CMIP: variants seen among roughly 807,000 people sequenced by gnomAD.
The protein encoded by CMIP is c-Maf inducing protein.
In CMIP, 13 loss-of-function variants were observed where a neutral mutation model predicts 97.3. That is an observed-to-expected ratio of 0.13 (90% CI 0.09 to 0.21). The LOEUF (loss-of-function observed/expected upper bound fraction) is 0.21, where lower values mean the gene tolerates loss of function less well. Ranked by LOEUF, CMIP falls within the 10% of genes least tolerant of loss-of-function variation. The probability of loss-of-function intolerance (pLI) is 1.00; values close to 1 mark genes in which losing one functional copy is unlikely to be tolerated. For missense variants in CMIP, 847 were observed against 1,024.9 expected (o/e 0.83, Z 2.37); for synonymous variants, 538 against 436.3 (o/e 1.23, Z -2.91).
intron 7 of CMIP, among the ~76,000 whole-genome samples, chr16:81,668,064 AG>A (rs780560252): frequency 6.6e-6 from 1 of 152,054 alleles, no homozygotes; most frequent in Non-Finnish European, 1.5e-5. Context: ...TTCCACTCAG[AG>A]CTTTCATGCC....
Position 81,445,077 on chromosome 16 carries a change from C to T in CMIP, c.-165C>T. On this transcript the variant is annotated 5_prime_UTR_variant, in exon 1 of 21. Coordinates refer to ENST00000537098, the MANE Select transcript of CMIP (RefSeq NM_198390.3). ...CGGCCCAGCCCGCCGCACGCGCCGC[C>T]CCCCGCGGGCAGCGCCCCCTCCCCT... is the stretch of plus-strand genomic sequence containing the variant. 3.9e-6 allele frequency: 1 copy of T among 259,392 alleles called. No homozygotes were observed. Among genetic ancestry groups the T allele is most frequent in the South Asian group, 1.7e-4 (1 of 5,924 alleles). The allele number at this position is 259,392 out of a possible 1,614,324, so 16.1% of individuals were successfully genotyped here. A position where few individuals can be genotyped will look rare whatever the true frequency, so the allele number is the denominator to read the frequency against.
intron 10 of CMIP, among the ~76,000 whole-genome samples, chr16:81,682,855 G>T (rs546958220): frequency 6.6e-5 from 10 of 152,336 alleles, no homozygotes; most frequent in African/African-American, 1.9e-4. Context: ...GGAGGTCCTT[G>T]AAAAGGAAAA....
chr16:81,521,917 C>T (rs1045666948), intron 1 of CMIP, among the ~76,000 whole-genome samples: 1 of 152,156 alleles, frequency 6.6e-6, no homozygotes, highest in Non-Finnish European at 1.5e-5. Context: ...CAAGAAAGGC[C>T]AGTGTCTGAT....
At chr16:81,567,249 C>T (rs968333964) in intron 1 of CMIP, among the ~76,000 whole-genome samples, 1 of 152,262 alleles carries the variant, frequency 6.6e-6, no homozygotes, top group Non-Finnish European at 1.5e-5. Context: ...GCTTGTGCTG[C>T]TCTCAGGGCA....
intron 1 of CMIP, among the ~76,000 whole-genome samples, chr16:81,456,528 C>T (rs1163601723): frequency 1.3e-5 from 2 of 152,176 alleles, no homozygotes; most frequent in East Asian, 1.9e-4. Context: ...TGTTTTATGC[C>T]AGACACTACT....
intron 1 of CMIP, among the ~76,000 whole-genome samples, chr16:81,598,294 T>G (rs2091597864): frequency 1.3e-5 from 2 of 152,070 alleles, no homozygotes; most frequent in Admixed American, 1.3e-4. Flanking sequence ...ACAACAGAGC[T>G]GACCAACAGG....
intron 1 of CMIP, among the ~76,000 whole-genome samples, chr16:81,489,820 G>A (rs750318485): frequency 4.6e-5 from 7 of 152,270 alleles, no homozygotes; most frequent in Admixed American, 6.5e-5. Context: ...GCAGGAGGAG[G>A]CACAGGGGAA....
chr16:81,516,031 C>A (rs1021248615), intron 1 of CMIP, among the ~76,000 whole-genome samples: 2 of 152,168 alleles, frequency 1.3e-5, no homozygotes, highest in African/African-American at 2.4e-5. Flanking sequence ...CTCTGGCCTG[C>A]GGGTGGGGGC....
chr16:81,682,161 A>T (rs1025172219), intron 10 of CMIP, among the ~76,000 whole-genome samples: 2 of 151,604 alleles, frequency 1.3e-5, no homozygotes, highest in South Asian at 2.1e-4. Context: ...CCACGATTGC[A>T]CTGCTGCACT....
chr16:81,497,784 C>A (rs1345939300), intron 1 of CMIP, among the ~76,000 whole-genome samples: 1 of 152,226 alleles, frequency 6.6e-6, no homozygotes, highest in African/African-American at 2.4e-5. Flanking sequence ...GGAGCCTTGG[C>A]CGACACAGGT....
chr16:81,691,161 A>G (rs1445253512), intron 10 of CMIP, among the ~76,000 whole-genome samples: 2 of 152,190 alleles, frequency 1.3e-5, no homozygotes, highest in Non-Finnish European at 1.5e-5. Flanking sequence ...AGCTTACTCA[A>G]CAAACATGTA....
intron 1 of CMIP, among the ~76,000 whole-genome samples, chr16:81,489,408 T>C (rs17197883): frequency 0.2 from 31,091 of 151,672 alleles, 3,704 homozygotes; most frequent in Non-Finnish European, 0.27. Context: ...ACACTGGTAC[T>C]TTTTTCTCCT....
chr16:81,478,120 C>G (rs139283113), intron 1 of CMIP, among the ~76,000 whole-genome samples: 7 of 152,326 alleles, frequency 4.6e-5, no homozygotes, highest in African/African-American at 1.2e-4. Context: ...CCTTCCCCCC[C>G]ACCCCAGAAA....
intron 1 of CMIP, among the ~76,000 whole-genome samples, chr16:81,550,983 G>A (rs1167786469): frequency 8.9e-5 from 7 of 78,466 alleles, no homozygotes; most frequent in South Asian, 4.8e-4. Context: ...CCCCAGTCCC[G>A]TCACACGCAC....
At chr16:81,613,376 T>C (rs556014101) in intron 2 of CMIP, among the ~76,000 whole-genome samples, 41 of 152,256 alleles carry the variant, frequency 2.7e-4, no homozygotes, top group African/African-American at 9.4e-4. Flanking sequence ...GAGGGAAGAC[T>C]GTGGGGTCAG....
At chr16:81,470,312 G>A (rs1014713009) in intron 1 of CMIP, among the ~76,000 whole-genome samples, 1 of 152,218 alleles carries the variant, frequency 6.6e-6, no homozygotes, top group Non-Finnish European at 1.5e-5. Flanking sequence ...CGTCCAGGCA[G>A]CTTGGGTCCA....
chr16:81,667,702 G>T (rs1400637225), intron 7 of CMIP, among the ~76,000 whole-genome samples: 1 of 141,704 alleles, frequency 7.1e-6, no homozygotes, highest in African/African-American at 2.5e-5. Flanking sequence ...CCCAAAGCCA[G>T]ATTAAATACT....
intron 1 of CMIP, among the ~76,000 whole-genome samples, chr16:81,556,019 T>C (rs1298456484): frequency 6.6e-6 from 1 of 152,238 alleles, no homozygotes; most frequent in Non-Finnish European, 1.5e-5. Flanking sequence ...AGTCCAGTCC[T>C]GGCCAAACAG....
At chr16:81,709,162 G>C (rs57916148) in intron 20 of CMIP, among the ~76,000 whole-genome samples, 13,905 of 152,226 alleles carry the variant, frequency 0.091, 655 homozygotes, top group East Asian at 0.16. Flanking sequence ...CCTAGGGGGA[G>C]CCTCAAGTGG....
Sources: gnomAD v4.1 joint callset for allele counts (sites outside exome capture counted in the v4.1 genomes callset) on GRCh38, gnomAD v4.1.1 for gene constraint, MANE v1.5 for transcripts, NCBI Gene and HGNC (gene_info 2026-07-23, HGNC 2026-07-21) for gene names.